Variants in SIL1 observed in about 807,000 individuals in gnomAD.
SIL1 encodes nucleotide exchange factor SIL1.
Under a neutral mutation model 49.1 loss-of-function variants are expected in SIL1, and 40 were observed. The observed-to-expected ratio is 0.81, with a 90% CI of 0.63 to 1.06. The LOEUF (loss-of-function observed/expected upper bound fraction) is 1.06, where lower values mean the gene tolerates loss of function less well. Ranked by LOEUF, SIL1 falls within the 50% of genes least tolerant of loss-of-function variation. The pLI is 0.00. For missense variants in SIL1, 500 were observed against 572.6 expected, an observed-to-expected ratio of 0.87 and a Z score of 1.29; for synonymous variants, 253 against 250.8, an observed-to-expected ratio of 1.01 and a Z score of -0.08.
intron 5 of SIL1, among the ~76,000 whole-genome samples, chr5:139,037,486 C>A (rs936784886): frequency 6.6e-6 from 1 of 152,172 alleles, no homozygotes; most frequent in East Asian, 1.9e-4. Context: ...AATGTTAGAT[C>A]TTTTGTTACA....
chr5:139,037,681 A>G (rs1768948383), intron 5 of SIL1, among the ~76,000 whole-genome samples: 1 of 152,188 alleles, frequency 6.6e-6, no homozygotes, highest in Non-Finnish European at 1.5e-5. Flanking sequence ...GTTCAGTTCT[A>G]TAATTCCATT....
intron 3 of SIL1, among the ~76,000 whole-genome samples, chr5:139,062,557 A>C (rs182059396): frequency 6.6e-6 from 1 of 152,168 alleles, no homozygotes; most frequent in African/African-American, 2.4e-5. Flanking sequence ...CTACCCTCCA[A>C]AATCTCATCC....
Position 139,012,085 on chromosome 5 carries a change from G to A in SIL1, c.767+9086C>T, listed in dbSNP as rs748731100. On this transcript the variant is annotated intron_variant, in intron 7 of 9. Coordinates refer to ENST00000394817, the MANE Select transcript of SIL1 (RefSeq NM_022464.5). ...TTGTTGTTTTCTGAGATGGAGTCTC[G>A]CTCTGTTGCCCAGGCTACAGTGCAG... 7.9e-5 allele frequency among the ~76,000 whole-genome samples: 12 copies of A among 151,942 alleles called. No individual in the cohort carries two copies. The South Asian group carries it at 1.5e-3, about 18-fold the overall frequency.
chr5:139,079,904 C>A (rs545031439), intron 3 of SIL1, among the ~76,000 whole-genome samples: 7 of 152,332 alleles, frequency 4.6e-5, no homozygotes, highest in Admixed American at 2.0e-4. Flanking sequence ...CAAAGTCCAA[C>A]TTTAGAAAAC....
chr5:139,062,698 T>C (rs572906724), intron 3 of SIL1, among the ~76,000 whole-genome samples: 5 of 152,244 alleles, frequency 3.3e-5, no homozygotes, highest in Non-Finnish European at 5.9e-5. Flanking sequence ...CTACTTAGAT[T>C]TCCTGTGTTC....
At chr5:139,052,166 A>C (rs1268921718) in intron 3 of SIL1, among the ~76,000 whole-genome samples, 1 of 152,186 alleles carries the variant, frequency 6.6e-6, no homozygotes, top group African/African-American at 2.4e-5. Flanking sequence ...GATATAGGCA[A>C]GTATTCACCA....
At chr5:139,016,768 A>C (rs1484162323) in intron 7 of SIL1, 3 of 152,168 alleles carry the variant, frequency 2.0e-5, no homozygotes, top group Admixed American at 2.0e-4. Flanking sequence ...TCAGGGACAG[A>C]AACCAGATTG....
chr5:139,055,855 T>C (rs1270332608), intron 3 of SIL1, among the ~76,000 whole-genome samples: 1 of 151,660 alleles, frequency 6.6e-6, no homozygotes, highest in Non-Finnish European at 1.5e-5. Context: ...ATTTTTTTGG[T>C]GGAGACGGGG....
Position 138,961,030 on chromosome 5 carries a change from C to T in SIL1, c.768-9146G>A, listed in dbSNP as rs562691246. ...ATCAAGTAGAATGTGTTAAACTTTTCTATATGGAGGGATGGGGGAGGGAGG... is the reference window on the plus strand; with the variant it reads ...ATCAAGTAGAATGTGTTAAACTTTTTTATATGGAGGGATGGGGGAGGGAGG... On this transcript the variant is annotated intron_variant, in intron 7 of 9. Coordinates refer to ENST00000394817, the MANE Select transcript of SIL1 (RefSeq NM_022464.5). Among the ~76,000 whole-genome samples, 8 of 152,202 alleles carry T rather than the reference C, an allele frequency of 5.3e-5. No individual in the cohort carries two copies. In the South Asian group the frequency reaches 1.7e-3, roughly 32 times the overall value.
At chr5:139,074,829 A>T (rs1238591354) in intron 3 of SIL1, among the ~76,000 whole-genome samples, 2 of 151,270 alleles carry the variant, frequency 1.3e-5, no homozygotes, top group African/African-American at 2.4e-5. Flanking sequence ...TGTCTTTTTT[A>T]TTTTTATTTT....
intron 3 of SIL1, among the ~76,000 whole-genome samples, chr5:139,059,503 T>C (rs1195939296): frequency 6.6e-6 from 1 of 152,212 alleles, no homozygotes; most frequent in Non-Finnish European, 1.5e-5. Flanking sequence ...ATATTACATA[T>C]ATTCTAAACC....
intron 7 of SIL1, among the ~76,000 whole-genome samples, chr5:138,983,394 G>A (rs1239908515): frequency 6.6e-6 from 1 of 151,390 alleles, no homozygotes; most frequent in Non-Finnish European, 1.5e-5. Context: ...TGTAGTCCCA[G>A]GTACTCGGGA....
intron 1 of SIL1, among the ~76,000 whole-genome samples, chr5:139,171,958 T>C (rs1314540540): frequency 1.3e-5 from 2 of 151,756 alleles, no homozygotes; most frequent in Non-Finnish European, 2.9e-5. Flanking sequence ...GTACAATAAC[T>C]GAAATAAAAA....
intron 3 of SIL1, among the ~76,000 whole-genome samples, chr5:139,117,216 A>G (rs1422208443): frequency 6.6e-6 from 1 of 152,184 alleles, no homozygotes; most frequent in African/African-American, 2.4e-5. Flanking sequence ...GGCAGGGGTC[A>G]CGTCCTTTTT....
At chr5:138,966,623 A>C (rs1767149325) in intron 7 of SIL1, among the ~76,000 whole-genome samples, 1 of 151,998 alleles carries the variant, frequency 6.6e-6, no homozygotes, top group Admixed American at 6.6e-5. Flanking sequence ...GCCAAAAACA[A>C]ACAAAACAAA....
At position 139,020,037 on chromosome 5, in the gene SIL1, A is replaced by G. The variant is rs1004092961; in HGVS notation, c.767+1134T>C. 2.6e-5 allele frequency among the ~76,000 whole-genome samples: 4 copies of G among 152,126 alleles called. No homozygotes were observed. In the East Asian group the frequency reaches 7.7e-4, roughly 29 times the overall value. ...ATCTTTCCAGTGGCTGCACAGGAGG[A>G]GATTTCCCTGGGCTTCCTGGGAGAC... On this transcript the variant is annotated intron_variant, in intron 7 of 9. Transcript: ENST00000394817.
chr5:138,946,936 C>T lies in SIL1; in HGVS notation c.*181G>A. 1.6e-6 allele frequency: 1 copy of T among 640,990 alleles called. No individual in the cohort carries two copies. The highest frequency in any genetic ancestry group is 2.8e-6 in the Non-Finnish European group (1 of 352,726). 39.7% of individuals were successfully genotyped at this position (640,990 alleles called of 1,614,324 possible). On this transcript the variant is annotated 3_prime_UTR_variant, in exon 10 of 10. Transcript: ENST00000394817. Reference sequence around the variant, plus strand: ...CCCATCACCCAACCACTCACCTGACCCCCCGGCCACAGGGCTGTGCCCAGT... The same window carrying T: ...CCCATCACCCAACCACTCACCTGACTCCCCGGCCACAGGGCTGTGCCCAGT...
intron 3 of SIL1, among the ~76,000 whole-genome samples, chr5:139,095,241 CTA>C (rs976472225): frequency 6.8e-6 from 1 of 147,196 alleles, no homozygotes; most frequent in Non-Finnish European, 1.5e-5. Context: ...GGGGGAGTAT[CTA>C]TATATATATA....
At chr5:139,163,922 T>C (rs1581143560) in intron 1 of SIL1, among the ~76,000 whole-genome samples, 1 of 151,912 alleles carries the variant, frequency 6.6e-6, no homozygotes, top group Admixed American at 6.5e-5. Flanking sequence ...AGTTCAAGAC[T>C]AGCCTGGCCA....
Sources: allele counts gnomAD v4.1 joint callset (sites outside exome capture counted in the v4.1 genomes callset), GRCh38; gene constraint gnomAD v4.1.1; transcripts MANE v1.5; gene names NCBI Gene and HGNC (gene_info 2026-07-23, HGNC 2026-07-21).